Variants in SMC6 observed in about 807,000 individuals in gnomAD.
The protein encoded by SMC6 is structural maintenance of chromosomes 6, also known as structural maintenance of chromosomes protein 6.
In SMC6, 79 loss-of-function variants were observed where a neutral mutation model predicts 142.2. The ratio of observed to expected loss-of-function variants is 0.56; its 90% CI spans 0.46 to 0.67. The LOEUF (loss-of-function observed/expected upper bound fraction) is 0.67. Among genes scored for constraint, SMC6 ranks in the 30% least tolerant of loss-of-function variants. SMC6 has a pLI of 0.00. For missense variants in SMC6, 1,072 were observed against 1,284.0 expected (o/e 0.83, Z 2.52); for synonymous variants, 411 against 412.4 (o/e 1.00, Z 0.04).
intron 4 of SMC6, chr2:17,740,652 T>A (rs879162579): frequency 1.8e-5 from 7 of 389,464 alleles, no homozygotes; most frequent in African/African-American, 1.1e-4. Context: ...CTCAGGAGTT[T>A]GAGATCAGCC....
At chr2:17,703,107 G>C (rs77550542) in intron 19 of SMC6, 50 bp downstream of exon 19, 1 of 1,150,202 alleles carries the variant, frequency 8.7e-7, no homozygotes, top group African/African-American at 1.6e-5. Flanking sequence ...CAACTTCGTA[G>C]TAGTAAGTTG....
rs1671143330 is a variant in SMC6 at position 17,753,082 on chromosome 2, A to G, written c.-92-18T>C. 4 of 925,846 alleles carry G rather than the reference A, an allele frequency of 4.3e-6. No individual in the cohort carries two copies. In the South Asian group the frequency reaches 2.0e-4, roughly 46 times the overall value. 57.4% of individuals were successfully genotyped at this position (925,846 alleles called of 1,614,324 possible). A position where few individuals can be genotyped will look rare whatever the true frequency, so the allele number is the denominator to read the frequency against. ...GTTCATTTCTGTAAGAAATGAGGGC[A>G]GAGAAATGCCATCAGTAAACCTTTG... On this transcript the variant is annotated intron_variant, in intron 1 of 27. Coordinates refer to ENST00000448223, the MANE Select transcript of SMC6 (RefSeq NM_001142286.2).
At chr2:17,705,313 A>C (rs1337600539) in intron 18 of SMC6, among the ~76,000 whole-genome samples, 1 of 151,848 alleles carries the variant, frequency 6.6e-6, no homozygotes, top group Non-Finnish European at 1.5e-5. Flanking sequence ...GCGGTGGCTT[A>C]CCCCTGTAAT....
chr2:17,695,985 C>T (rs1006485746), intron 22 of SMC6, among the ~76,000 whole-genome samples: 1 of 152,130 alleles, frequency 6.6e-6, no homozygotes, highest in Admixed American at 6.5e-5. Flanking sequence ...CTTTTCCGGA[C>T]ACTCAAGGGC....
chr2:17,721,121 A>G (rs776049357), intron 10 of SMC6, 21 bp downstream of exon 10: 9 of 1,610,634 alleles, frequency 5.6e-6, no homozygotes, highest in Non-Finnish European at 7.6e-6. Flanking sequence ...ATACGTGAAC[A>G]AGTAATTAAG....
At chr2:17,688,946 T>G (rs138048936) in intron 23 of SMC6, among the ~76,000 whole-genome samples, 2 of 152,284 alleles carry the variant, frequency 1.3e-5, no homozygotes, top group African/African-American at 4.8e-5. Flanking sequence ...ATAGTAAAGA[T>G]TCGTTCAGGT....
chr2:17,736,049 T>A (rs187570973), intron 5 of SMC6, among the ~76,000 whole-genome samples: 1 of 152,068 alleles, frequency 6.6e-6, no homozygotes, highest in African/African-American at 2.4e-5. Flanking sequence ...ACTAAAAACC[T>A]CAACAAGCTG....
chr2:17,700,563 C>T (rs1668218821), intron 20 of SMC6, among the ~76,000 whole-genome samples, 185 bp from the exon 21 acceptor site: 1 of 152,056 alleles, frequency 6.6e-6, no homozygotes, highest in Non-Finnish European at 1.5e-5. Context: ...GGAAAACAAG[C>T]TGAAAAATCA....
intron 18 of SMC6, among the ~76,000 whole-genome samples, chr2:17,706,806 C>A (rs950720474): frequency 6.6e-6 from 1 of 152,038 alleles, no homozygotes; most frequent in African/African-American, 2.4e-5. Context: ...GAACTGTGCA[C>A]CTCAAAGTAC....
At chr2:17,694,835 T>A (rs1667915170) in intron 23 of SMC6, among the ~76,000 whole-genome samples, 1 of 152,206 alleles carries the variant, frequency 6.6e-6, no homozygotes, top group Admixed American at 6.5e-5. Flanking sequence ...TTTGATGTAT[T>A]TGAAAAATGG....
At chr2:17,712,037 T>C (rs141655631) in intron 16 of SMC6, among the ~76,000 whole-genome samples, 1 of 152,282 alleles carries the variant, frequency 6.6e-6, no homozygotes, top group African/African-American at 2.4e-5. Context: ...GCCCATAAAA[T>C]AGGCTGAGAA....
intron 25 of SMC6, 33 bp from the exon 26 acceptor site, chr2:17,670,608 A>G (rs1406446321): frequency 1.1e-5 from 16 of 1,498,048 alleles, no homozygotes; most frequent in African/African-American, 1.4e-5. Flanking sequence ...GGAACAAAAA[A>G]CTAAGTAAAT....
chr2:17,729,048 C>T (rs1271971500), intron 7 of SMC6, among the ~76,000 whole-genome samples: 1 of 152,056 alleles, frequency 6.6e-6, no homozygotes, highest in Admixed American at 6.5e-5. Context: ...CTGCACCCAG[C>T]CCACACAAAC....
chr2:17,693,691 T>TA (rs1166963193), intron 23 of SMC6, among the ~76,000 whole-genome samples: 2 of 150,782 alleles, frequency 1.3e-5, no homozygotes, highest in Non-Finnish European at 3.0e-5. Flanking sequence ...ATAATAAAAA[T>TA]AAAAAATAAA....
At position 17,671,169 on chromosome 2, in the gene SMC6, T is replaced by C. The variant is rs956708858; in HGVS notation, c.2911-594A>G. Among the ~76,000 whole-genome samples the C allele has an allele frequency of 3.3e-5, 5 of 151,638 alleles. No homozygotes were observed. In the East Asian group the frequency reaches 9.7e-4, roughly 29 times the overall value. ...GATTACAGGTGTAAGCCACCACACC[T>C]AACCCTGAAACTTAAGCTTCAAACA... is the stretch of plus-strand genomic sequence containing the variant. On this transcript the variant is annotated intron_variant, in intron 25 of 27. Transcript: ENST00000448223.
Position 17,746,162 on chromosome 2 carries a change from C to T in SMC6, c.-5-211G>A, listed in dbSNP as rs560113494. The T allele has an allele frequency of 6.8e-6, 3 of 441,632 alleles. No homozygotes were observed. The South Asian group carries it at 1.3e-4, about 20-fold the overall frequency. 27.4% of individuals were successfully genotyped at this position (441,632 alleles called of 1,614,324 possible). Reference sequence around the variant, plus strand: ...GAAAAGGCAAGGAAATAGATTTTCCCCTAGAGGCCCTAAAACAGAACATAG... The same window carrying T: ...GAAAAGGCAAGGAAATAGATTTTCCTCTAGAGGCCCTAAAACAGAACATAG... On this transcript the variant is annotated intron_variant, in intron 2 of 27. Transcript: ENST00000448223.
chr2:17,743,307 G>A (rs1332935848), intron 3 of SMC6, among the ~76,000 whole-genome samples: 2 of 152,160 alleles, frequency 1.3e-5, no homozygotes, highest in East Asian at 3.9e-4. Context: ...CCGTGAGTAA[G>A]TATGTGTCTC....
intron 23 of SMC6, among the ~76,000 whole-genome samples, chr2:17,684,648 ATT>A (rs1362689201): frequency 6.6e-6 from 1 of 152,092 alleles, no homozygotes; most frequent in African/African-American, 2.4e-5. Context: ...ATATAGCAAG[ATT>A]CTGTTTCTAC....
intron 22 of SMC6, among the ~76,000 whole-genome samples, chr2:17,696,075 A>T (rs746741797): frequency 6.6e-6 from 1 of 152,174 alleles, no homozygotes; most frequent in Non-Finnish European, 1.5e-5. Context: ...TCAGAGGCAT[A>T]ATACAGGACT....
Sources: allele counts gnomAD v4.1 joint callset (sites outside exome capture counted in the v4.1 genomes callset), GRCh38; gene constraint gnomAD v4.1.1; transcripts MANE v1.5; gene names NCBI Gene and HGNC (gene_info 2026-07-23, HGNC 2026-07-21).